SNX25: variants seen among roughly 807,000 people sequenced by gnomAD.
SNX25 encodes the protein sorting nexin 25, also known as sorting nexin-25.
Under a neutral mutation model 113.7 loss-of-function variants are expected in SNX25, and 62 were observed. That is an observed-to-expected ratio of 0.55 (90% CI 0.44 to 0.67). The LOEUF (loss-of-function observed/expected upper bound fraction) is 0.67. Among genes scored for constraint, SNX25 ranks in the 30% least tolerant of loss-of-function variants. The pLI, the probability that SNX25 is intolerant of heterozygous loss-of-function variation, is 0.00. For missense variants in SNX25, 1,014 were observed against 1,161.0 expected (o/e 0.87, Z 1.84); for synonymous variants, 421 against 436.2 (o/e 0.97, Z 0.43).
chr4:185,342,102 C>A lies in SNX25; in HGVS notation c.2173C>A (p.Arg725=). 6.3e-7 allele frequency: 1 copy of A among 1,598,742 alleles called. No homozygotes were observed. The highest frequency in any genetic ancestry group is 1.1e-5 in the South Asian group (1 of 87,736). ...RRLSEFQNLH[R]KLSECVPSLK... ...GCTCAGCGAGTTTCAGAATTTACACCGGAAACTCAGTGAGGTATGAATACT... is the reference window on the plus strand; with the variant it reads ...GCTCAGCGAGTTTCAGAATTTACACAGGAAACTCAGTGAGGTATGAATACT... Residue 725 remains arginine (R), a synonymous_variant, in exon 12 of 19, where the codon CGG becomes AGG. Transcript: ENST00000652585.
At chr4:185,327,009 C>A (rs1218987152) in intron 9 of SNX25, among the ~76,000 whole-genome samples, 10 of 152,152 alleles carry the variant, frequency 6.6e-5, no homozygotes, top group Admixed American at 5.2e-4. Context: ...CTTGCTTAAA[C>A]CTTCATTTTT....
intron 1 of SNX25, among the ~76,000 whole-genome samples, chr4:185,231,030 C>T (rs1741754362): frequency 6.6e-6 from 1 of 151,988 alleles, no homozygotes; most frequent in African/African-American, 2.4e-5. Flanking sequence ...ATTGCTCAGT[C>T]CTCTCTACTT....
intron 11 of SNX25, among the ~76,000 whole-genome samples, chr4:185,340,566 T>G (rs2587159): frequency 0.1 from 15,518 of 152,044 alleles, 1,258 homozygotes; most frequent in African/African-American, 0.23. Flanking sequence ...AGTTACTGTT[T>G]GGGTGGAACT....
chr4:185,342,138 G>A (rs753716147), intron 12 of SNX25, 22 bp downstream of exon 12: 17 of 1,533,854 alleles, frequency 1.1e-5, no homozygotes, highest in Non-Finnish European at 1.5e-5. Flanking sequence ...CATGAACGCA[G>A]TATTCTAGAA....
chr4:185,352,159 C>G (rs2095318648), intron 14 of SNX25, among the ~76,000 whole-genome samples: 1 of 152,162 alleles, frequency 6.6e-6, no homozygotes, highest in Non-Finnish European at 1.5e-5. Flanking sequence ...AAGTATAGAG[C>G]CTGCAGAGCT....
intron 6 of SNX25, among the ~76,000 whole-genome samples, chr4:185,305,717 A>G (rs1252640064): frequency 2.6e-5 from 4 of 152,208 alleles, no homozygotes; most frequent in Non-Finnish European, 5.9e-5. Flanking sequence ...TGTCTTTTTC[A>G]CCAAATGAAC....
intron 6 of SNX25, among the ~76,000 whole-genome samples, chr4:185,298,989 C>T (rs538068315): frequency 2.0e-5 from 3 of 152,266 alleles, no homozygotes; most frequent in African/African-American, 7.2e-5. Context: ...CAGCAGTACC[C>T]TCAGATCATG....
At chr4:185,216,755 A>C (rs1398515353) in intron 1 of SNX25, among the ~76,000 whole-genome samples, 1 of 152,030 alleles carries the variant, frequency 6.6e-6, no homozygotes, top group Non-Finnish European at 1.5e-5. Context: ...TCCTGACCTC[A>C]GATGATCCAC....
At chr4:185,256,150 A>G (rs1333634361) in intron 2 of SNX25, among the ~76,000 whole-genome samples, 1 of 152,176 alleles carries the variant, frequency 6.6e-6, no homozygotes, top group Non-Finnish European at 1.5e-5. Context: ...CTTACAGACT[A>G]GAAGCCCTCT....
intron 5 of SNX25, among the ~76,000 whole-genome samples, chr4:185,272,657 A>C (rs74659404): frequency 6.6e-6 from 1 of 152,306 alleles, no homozygotes; most frequent in Non-Finnish European, 1.5e-5. Context: ...TCTCTTGTAA[A>C]TGGAGTATTC....
At chr4:185,276,162 G>A (rs1204042939) in intron 5 of SNX25, among the ~76,000 whole-genome samples, 1 of 152,202 alleles carries the variant, frequency 6.6e-6, no homozygotes, top group Non-Finnish European at 1.5e-5. Context: ...AATTTATTAT[G>A]TTCTTGTAGT....
intron 5 of SNX25, among the ~76,000 whole-genome samples, chr4:185,282,465 G>A (rs2126594564): frequency 6.6e-6 from 1 of 152,262 alleles, no homozygotes; most frequent in Non-Finnish European, 1.5e-5. Flanking sequence ...CACCCTGCCT[G>A]GCCTCAAATC....
At chr4:185,365,695 ATAATAAT>A (rs2095385550), downstream of SNX25, 5 of 143,302 alleles carry the variant, frequency 3.5e-5, no homozygotes, top group African/African-American at 1.1e-4. Context: ...AAAAAAAATA[ATAATAAT>A]AATAATAATA....
Position 185,351,473 on chromosome 4 carries a change from A to G in SNX25, c.2330A>G (p.Gln777Arg). 6.2e-7 allele frequency: 1 copy of G among 1,614,188 alleles called. No individual in the cohort carries two copies. Among genetic ancestry groups the G allele is most frequent in the South Asian group, 1.1e-5 (1 of 91,068 alleles). ...CTGCTTTCAGATGAAAGACTGTGTC[A>G]GAGTGAAGCACTTTATGCCTTCTTG... is the stretch of plus-strand genomic sequence containing the variant. The part of the protein sequence containing the change: ...QNLLSDERLC[Q>R]SEALYAFLSP... Residue 777 changes from glutamine to arginine, a missense_variant, in exon 14 of 19, where the codon CAG becomes CGG. Gln to Arg is a conservative substitution (Grantham distance 43). Coordinates refer to ENST00000652585, the MANE Select transcript of SNX25 (RefSeq NM_001378034.2).
chr4:185,312,968 A>G (rs758049594), intron 7 of SNX25, among the ~76,000 whole-genome samples: 3 of 152,344 alleles, frequency 2.0e-5, no homozygotes, highest in Admixed American at 6.5e-5. Flanking sequence ...GTCATTTGCT[A>G]TTTGAAAGGT....
intron 1 of SNX25, among the ~76,000 whole-genome samples, chr4:185,224,526 TAC>T (rs1560905018): frequency 3.9e-5 from 4 of 103,450 alleles, no homozygotes; most frequent in Non-Finnish European, 6.5e-5. Flanking sequence ...TAAATATATA[TAC>T]ATATATATAA....
At position 185,310,767 on chromosome 4, in the gene SNX25, A is replaced by G. The variant is rs771648659; in HGVS notation, c.1295A>G (p.Gln432Arg). The change falls in exon 7 of 19, where the codon CAG becomes CGG. Residue 432 changes from glutamine to arginine, a missense_variant. Coordinates refer to ENST00000652585, the MANE Select transcript of SNX25 (RefSeq NM_001378034.2). ...IRILGGPAYD[Q>R]QEDGALDEGE... is the part of the protein sequence containing the mutation. The stretch of plus-strand genomic sequence containing the variant: ...ATCCTGGGAGGCCCTGCCTATGACC[A>G]GCAAGAGGATGGGGCCCTGGATGAG... The G allele has an allele frequency of 6.2e-7, 1 of 1,613,758 alleles. No homozygotes were observed. Among genetic ancestry groups the G allele is most frequent in the East Asian group, 2.2e-5 (1 of 44,880 alleles).
Position 185,352,647 on chromosome 4 carries a change from C to T in SNX25, c.2467-838C>T, listed in dbSNP as rs533789195. ...TCTCAGTCTTTACCTTTCTCAGCCT[C>T]TTTTGAGGCGTTTGCTGTTGCTGGA... On this transcript the variant is annotated intron_variant, in intron 14 of 18. Transcript: ENST00000652585. Among the ~76,000 whole-genome samples the T allele has an allele frequency of 1.9e-3, 291 of 152,322 alleles. 1 individual carries two copies. The highest frequency in any genetic ancestry group is 6.7e-3 in the African/African-American group (280 of 41,568).
the SNX25 span, chr4:185,375,487 A>AATATATAAATATAT: frequency 8.3e-5 from 1 of 12,010 alleles, no homozygotes; most frequent in South Asian, 5.6e-3. Flanking sequence ...AAAAAAAAAA[A>AATATATAAATATAT]ATATATATAT....
Sources: allele counts gnomAD v4.1 joint callset (sites outside exome capture counted in the v4.1 genomes callset), GRCh38; gene constraint gnomAD v4.1.1; transcripts MANE v1.5; gene names NCBI Gene and HGNC (gene_info 2026-07-23, HGNC 2026-07-21).